The following SH3GL1 variants were observed in gnomAD, a reference collection of about 807,000 sequenced individuals.
SH3GL1 encodes the protein SH3 domain containing GRB2 like 1, endophilin A2.
Under a neutral mutation model 48.8 loss-of-function variants are expected in SH3GL1, and 21 were observed. The ratio of observed to expected loss-of-function variants is 0.43; its 90% CI spans 0.30 to 0.62. SH3GL1 has a LOEUF of 0.62. Ranked by LOEUF, SH3GL1 falls within the 20% of genes least tolerant of loss-of-function variation. SH3GL1 has a pLI of 0.11. For missense variants in SH3GL1, 454 were observed against 503.0 expected, an observed-to-expected ratio of 0.90 and a Z score of 0.93; for synonymous variants, 282 against 217.5, an observed-to-expected ratio of 1.30 and a Z score of -2.61.
At chr19:4,381,944 G>C (rs1336580639) in intron 1 of SH3GL1, among the ~76,000 whole-genome samples, 2 of 151,814 alleles carry the variant, frequency 1.3e-5, no homozygotes, top group Admixed American at 6.6e-5. Context: ...CACAAACCTA[G>C]TGACTTACAG....
chr19:4,400,494 G>GC lies in SH3GL1; in HGVS notation c.-127dup. ...CCTCCGCCACCCGCTTGCCAGCTCC[G>GC]CGCCCGCCCCGGCGCCGCCTCAGCC... On this transcript the variant is annotated 5_prime_UTR_variant, in exon 1 of 10. Transcript: ENST00000269886. This position sits in a 1 kb window ranked among gnomAD's most constrained non-coding sequence, Gnocchi z 4.1. 1.2e-6 allele frequency: 1 copy of GC among 813,820 alleles called. No homozygotes were observed. Among genetic ancestry groups the GC allele is most frequent in the Non-Finnish European group, 1.5e-6 (1 of 650,404 alleles). 50.4% of individuals were successfully genotyped at this position (813,820 alleles called of 1,614,324 possible). A position where few individuals can be genotyped will look rare whatever the true frequency, so the allele number is the denominator to read the frequency against.
chr19:4,382,384 A>G (rs1014946892), intron 1 of SH3GL1, among the ~76,000 whole-genome samples: 1 of 150,060 alleles, frequency 6.7e-6, no homozygotes, highest in African/African-American at 2.5e-5. Flanking sequence ...CAGCCTCCCG[A>G]GTAGCTGGGA....
chr19:4,364,231 A>C lies in SH3GL1; in HGVS notation c.332-10T>G. ...TCCAGCAATGCGTCACCTGTGGAGA[A>C]GTGGTGGGGGAAGCCATCATACCGG... is the stretch of plus-strand genomic sequence containing the variant. On this transcript the variant is annotated splice_polypyrimidine_tract_variant and intron_variant, in intron 4 of 9. Coordinates refer to ENST00000269886, the MANE Select transcript of SH3GL1 (RefSeq NM_003025.4). 6.2e-7 allele frequency: 1 copy of C among 1,613,772 alleles called. No homozygotes were observed. Among genetic ancestry groups the C allele is most frequent in the Non-Finnish European group, 8.5e-7 (1 of 1,179,976 alleles).
intron 4 of SH3GL1, among the ~76,000 whole-genome samples, 189 bp downstream of exon 4, chr19:4,365,293 C>T (rs1376190756): frequency 2.0e-5 from 3 of 152,138 alleles, no homozygotes; most frequent in Non-Finnish European, 2.9e-5. Flanking sequence ...CAGGAAGGGG[C>T]CCTATCAGCT....
chr19:4,364,153 C>T lies in SH3GL1; in HGVS notation c.400G>A (p.Glu134Lys). The T allele has an allele frequency of 1.2e-6, 2 of 1,613,956 alleles. No homozygotes were observed. The highest frequency in any genetic ancestry group is 1.7e-6 in the Non-Finnish European group (2 of 1,180,004). Residue 134 changes from glutamate to lysine, a missense_variant, in exon 5 of 10, where the codon GAG becomes AAG. Physicochemically the swap from Glu to Lys is moderately conservative, Grantham distance 56. Coordinates refer to ENST00000269886, the MANE Select transcript of SH3GL1 (RefSeq NM_003025.4). ...LAEVKDSLDI[E>K]VKQNFIDPLQ... ...GGGTCAATGAAGTTCTGCTTGACCT[C>T]GATGTCCAGGGAGTCCTTCACCTCT...
intron 1 of SH3GL1, chr19:4,390,434 G>A (rs1171630014): frequency 6.6e-6 from 1 of 152,606 alleles, no homozygotes; most frequent in African/African-American, 2.4e-5. Flanking sequence ...CAGACAGAGA[G>A]AGAGGAAGAA....
chr19:4,400,437 T>A lies in SH3GL1; in HGVS notation c.-69A>T, dbSNP rs1397414311. The A allele has an allele frequency of 1.4e-6, 2 of 1,431,862 alleles. No homozygotes were observed. Among genetic ancestry groups the A allele is most frequent in the Admixed American group, 2.6e-5 (1 of 38,456 alleles). The allele number at this position is 1,431,862 out of a possible 1,614,324, so 88.7% of individuals were successfully genotyped here. A position where few individuals can be genotyped will look rare whatever the true frequency, so the allele number is the denominator to read the frequency against. On this transcript the variant is annotated 5_prime_UTR_variant, in exon 1 of 10. Transcript: ENST00000269886. The surrounding 1 kb of genome is among the most constrained non-coding windows in gnomAD (Gnocchi z 4.1). ...ACAGGCTCCCGGGCGCCGCCGACCC[T>A]CTGCGCGCCTCAGCAGTCCCCGTCG...
chr19:4,365,457 G>T (rs765722613), intron 4 of SH3GL1, 25 bp downstream of exon 4: 41 of 1,612,490 alleles, frequency 2.5e-5, no homozygotes, highest in Non-Finnish European at 3.4e-5. Context: ...GACGGTGGGC[G>T]TGGCTTCCAG....
chr19:4,383,318 A>T (rs1331260510), intron 1 of SH3GL1, among the ~76,000 whole-genome samples: 1 of 151,442 alleles, frequency 6.6e-6, no homozygotes, highest in Non-Finnish European at 1.5e-5. Flanking sequence ...AAGCTCAATC[A>T]ATCCTCTGGC....
chr19:4,381,027 C>G (rs143377548), intron 1 of SH3GL1, among the ~76,000 whole-genome samples: 1 of 151,840 alleles, frequency 6.6e-6, no homozygotes, highest in Non-Finnish European at 1.5e-5. Context: ...GTTTCCCCAC[C>G]GGCCTCCTCT....
intron 1 of SH3GL1, among the ~76,000 whole-genome samples, chr19:4,384,452 T>C (rs557095149): frequency 3.1e-4 from 47 of 152,354 alleles, no homozygotes; most frequent in Non-Finnish European, 5.7e-4. Context: ...GGTTGTTTTT[T>C]TCCAGGCTAG....
Position 4,367,732 on chromosome 19 carries a change from C to T in SH3GL1, c.46-738G>A, listed in dbSNP as rs908811820. 6.6e-6 allele frequency among the ~76,000 whole-genome samples: 1 copy of T among 152,216 alleles called. No individual in the cohort carries two copies. The highest frequency in any genetic ancestry group is 1.5e-5 in the Non-Finnish European group (1 of 68,048). On this transcript the variant is annotated intron_variant, in intron 1 of 9. Transcript: ENST00000269886. The surrounding 1 kb of genome is among the most constrained non-coding windows in gnomAD (Gnocchi z 4.2). Reference sequence around the variant, plus strand: ...GCAAGCACTGAATTCCCAAACCACTCCCTCTGACAGCGCCTGGGATGCGAA... The same window carrying T: ...GCAAGCACTGAATTCCCAAACCACTTCCTCTGACAGCGCCTGGGATGCGAA...
chr19:4,386,735 C>G (rs866306482), intron 1 of SH3GL1, among the ~76,000 whole-genome samples: 9 of 152,134 alleles, frequency 5.9e-5, no homozygotes, highest in African/African-American at 2.2e-4. Flanking sequence ...CCCATCAGCC[C>G]TCTTTCCTGA....
chr19:4,390,911 G>A (rs1405682285), intron 1 of SH3GL1, among the ~76,000 whole-genome samples: 1 of 152,180 alleles, frequency 6.6e-6, no homozygotes, highest in East Asian at 1.9e-4. Context: ...TGGGGACGTT[G>A]GCAGCATGCT....
chr19:4,392,562 ACACAC>A (rs1568422025), intron 1 of SH3GL1, among the ~76,000 whole-genome samples: 22 of 125,360 alleles, frequency 1.8e-4, no homozygotes, highest in African/African-American at 6.7e-4. Context: ...ACACACACAC[ACACAC>A]ACAAAAGATC....
Position 4,360,803 on chromosome 19 carries a change from T to C in SH3GL1, c.*797A>G. 1 of 233,136 alleles carries C rather than the reference T, an allele frequency of 4.3e-6. No homozygotes were observed. The highest frequency in any genetic ancestry group is 8.5e-6 in the Non-Finnish European group (1 of 118,308). The allele number at this position is 233,136 out of a possible 1,614,324, so 14.4% of individuals were successfully genotyped here. A position where few individuals can be genotyped will look rare whatever the true frequency, so the allele number is the denominator to read the frequency against. On this transcript the variant is annotated 3_prime_UTR_variant, in exon 10 of 10. Transcript: ENST00000269886. ...TGGTCCCGTGTGAGGTGTGCTGGGG[T>C]GGGTGTGGGTGGCTGGTGGTGGCAG...
intron 1 of SH3GL1, among the ~76,000 whole-genome samples, chr19:4,381,673 G>C: frequency 1.5e-5 from 1 of 68,432 alleles, no homozygotes; most frequent in Non-Finnish European, 2.7e-5. Flanking sequence ...CCGCCTCTCT[G>C]TCACCCCCCA....
At chr19:4,371,553 G>GT (rs1010840494) in intron 1 of SH3GL1, among the ~76,000 whole-genome samples, 72 of 151,718 alleles carry the variant, frequency 4.7e-4, no homozygotes, top group African/African-American at 1.2e-3. Flanking sequence ...ACAGGGTTTT[G>GT]TTTTTTTTTC....
chr19:4,381,532 TTC>T (rs1343034687), intron 1 of SH3GL1, among the ~76,000 whole-genome samples: 4 of 50,084 alleles, frequency 8.0e-5, no homozygotes, highest in Non-Finnish European at 1.5e-4. Context: ...GTCCCCCTGC[TTC>T]TCTGTCTCCC....
Sources: gnomAD v4.1 joint callset for allele counts (sites outside exome capture counted in the v4.1 genomes callset) on GRCh38, gnomAD v4.1.1 for gene constraint, Gnocchi (gnomAD v3.1) non-coding constraint, MANE v1.5 for transcripts, NCBI Gene and HGNC (gene_info 2026-07-23, HGNC 2026-07-21) for gene names.